The following CAMTA1 variants were observed in gnomAD, a reference collection of about 807,000 sequenced individuals.
CAMTA1 encodes the protein calmodulin-binding transcription activator 1.
A neutral mutation model predicts 170.9 loss-of-function variants in CAMTA1; 27 were observed. That is an observed-to-expected ratio of 0.16 (90% CI 0.12 to 0.22). CAMTA1 has a LOEUF of 0.22. Ranked by LOEUF, CAMTA1 falls within the 10% of genes least tolerant of loss-of-function variation. CAMTA1 has a pLI of 1.00. For synonymous variants in CAMTA1, 833 were observed against 891.5 expected, an observed-to-expected ratio of 0.93 and a Z score of 1.17; for missense variants, 1,619 against 2,217.2, an observed-to-expected ratio of 0.73 and a Z score of 5.42.
At chr1:7,329,688 G>A (rs941121066) in intron 5 of CAMTA1, among the ~76,000 whole-genome samples, 2 of 152,074 alleles carry the variant, frequency 1.3e-5, no homozygotes, top group African/African-American at 4.8e-5. Context: ...TTGAGATGAG[G>A]GAGGTAGATT....
intron 5 of CAMTA1, among the ~76,000 whole-genome samples, chr1:7,280,580 A>T (rs1241260517): frequency 6.6e-6 from 1 of 152,220 alleles, no homozygotes; most frequent in Non-Finnish European, 1.5e-5. Context: ...GCAGCATTAT[A>T]ATTGCCATGT....
chr1:7,430,231 T>G (rs1408171370), intron 5 of CAMTA1, among the ~76,000 whole-genome samples: 1 of 145,824 alleles, frequency 6.9e-6, no homozygotes, highest in Non-Finnish European at 1.5e-5. Flanking sequence ...GTGGTGATGA[T>G]GATGATGGTG....
chr1:6,828,228 T>C (rs1456468688), intron 3 of CAMTA1, among the ~76,000 whole-genome samples: 1 of 151,908 alleles, frequency 6.6e-6, no homozygotes, highest in Non-Finnish European at 1.5e-5. Context: ...TATTTGTGAT[T>C]GTTTGAAAAA....
chr1:7,574,570 C>G (rs2095167489), intron 6 of CAMTA1, among the ~76,000 whole-genome samples: 1 of 152,200 alleles, frequency 6.6e-6, no homozygotes, highest in African/African-American at 2.4e-5. Context: ...CAATATGCCT[C>G]TATTTTTAAC....
chr1:7,214,042 T>C (rs143053637), intron 4 of CAMTA1, among the ~76,000 whole-genome samples: 3,695 of 152,344 alleles, frequency 0.024, 151 homozygotes, highest in African/African-American at 0.084. Context: ...AAGTCTTTGC[T>C]ATTGTGAATA....
At chr1:6,931,258 G>A (rs76916842) in intron 3 of CAMTA1, among the ~76,000 whole-genome samples, 2,755 of 152,234 alleles carry the variant, frequency 0.018, 68 homozygotes, top group African/African-American at 0.062. Flanking sequence ...GCTTATTTGG[G>A]TATTTTTATT....
At chr1:7,026,510 A>G (rs1225315593) in intron 3 of CAMTA1, among the ~76,000 whole-genome samples, 1 of 152,154 alleles carries the variant, frequency 6.6e-6, no homozygotes, top group Non-Finnish European at 1.5e-5. Context: ...TAAGACTATA[A>G]GATTAGTTTC....
intron 3 of CAMTA1, among the ~76,000 whole-genome samples, chr1:6,829,279 T>C (rs1314999398): frequency 2.0e-5 from 3 of 152,210 alleles, no homozygotes; most frequent in African/African-American, 7.2e-5. Context: ...TTGGTGAAGC[T>C]GAAAGTCACT....
Position 6,907,946 on chromosome 1 carries a change from G to A in CAMTA1, c.234+82736G>A, listed in dbSNP as rs1055787427. Among the ~76,000 whole-genome samples the A allele has an allele frequency of 4.6e-5, 7 of 152,148 alleles. No homozygotes were observed. The East Asian group carries it at 7.7e-4, about 17-fold the overall frequency. On this transcript the variant is annotated intron_variant, in intron 3 of 22. Coordinates refer to ENST00000303635, the MANE Select transcript of CAMTA1 (RefSeq NM_015215.4). Reference sequence around the variant, plus strand: ...CCAGAGGCCTCCCAGCCCTATTGCCGTGGTGGTCTGCCTTCCGGCTCCCTC... The same window carrying A: ...CCAGAGGCCTCCCAGCCCTATTGCCATGGTGGTCTGCCTTCCGGCTCCCTC...
intron 3 of CAMTA1, among the ~76,000 whole-genome samples, chr1:6,948,241 A>G (rs1265029403): frequency 6.6e-6 from 1 of 152,148 alleles, no homozygotes; most frequent in East Asian, 1.9e-4. Context: ...GCTTGCTGCA[A>G]TGCCTTTCCC....
At chr1:7,373,475 C>T (rs1285416949) in intron 5 of CAMTA1, among the ~76,000 whole-genome samples, 1 of 152,184 alleles carries the variant, frequency 6.6e-6, no homozygotes, top group African/African-American at 2.4e-5. Flanking sequence ...CACCGCCTCT[C>T]CCCTACTCGG....
chr1:7,179,305 A>G (rs1651610212), intron 4 of CAMTA1, among the ~76,000 whole-genome samples: 1 of 152,258 alleles, frequency 6.6e-6, no homozygotes, highest in Non-Finnish European at 1.5e-5. Flanking sequence ...AATGCAGAGA[A>G]AACCACTAAT....
rs1381434887 is a variant in CAMTA1 at position 7,664,382 on chromosome 1, C to T, written c.1835C>T (p.Pro612Leu). The change falls in exon 9 of 23, where the codon CCC becomes CTC. Residue 612 changes from proline to leucine, a missense_variant. This residue lies in a region of CAMTA1 where 731 missense variants were observed against 907.6 expected (regional missense o/e 0.81). Transcript: ENST00000303635. The stretch of plus-strand genomic sequence containing the variant: ...CACAGCCCCCACATCCACCAGACCC[C>T]CTCCCCGAGCTTCTTCCTGCAGGAC... ...TGHSPHIHQT[P>L]SPSFFLQDAS... 1.9e-6 allele frequency: 3 copies of T among 1,613,624 alleles called. No homozygotes were observed. Among genetic ancestry groups the T allele is most frequent in the Non-Finnish European group, 2.5e-6 (3 of 1,179,996 alleles).
At chr1:7,484,513 G>A (rs11120944) in intron 6 of CAMTA1, among the ~76,000 whole-genome samples, 8,843 of 152,274 alleles carry the variant, frequency 0.058, 412 homozygotes, top group South Asian at 0.13. Context: ...ATCGTGGCCG[G>A]GCACGGTGGC....
rs772177091 is a variant in CAMTA1 at position 7,665,480 on chromosome 1, G to A, written c.2652+281G>A. Among the ~76,000 whole-genome samples, 56 of 152,166 alleles carry A rather than the reference G, an allele frequency of 3.7e-4. No homozygotes were observed. Among genetic ancestry groups the A allele is most frequent in the Non-Finnish European group, 7.2e-4 (49 of 68,002 alleles). On this transcript the variant is annotated intron_variant, in intron 9 of 22. Coordinates refer to ENST00000303635, the MANE Select transcript of CAMTA1 (RefSeq NM_015215.4). This position sits in a 1 kb window ranked among gnomAD's most constrained non-coding sequence, Gnocchi z 4.3. ...TGTAATCCCAGAACTTTGGGAGGCCGAGGCAGGAGGATCATCTGAGCCAAG... is the reference window on the plus strand; with the variant it reads ...TGTAATCCCAGAACTTTGGGAGGCCAAGGCAGGAGGATCATCTGAGCCAAG...
chr1:7,244,985 A>G (rs1329811232), intron 4 of CAMTA1, among the ~76,000 whole-genome samples: 1 of 151,934 alleles, frequency 6.6e-6, no homozygotes, highest in East Asian at 1.9e-4. Context: ...CCTAACCAAG[A>G]CATGTTTTTG....
At chr1:7,303,082 A>G (rs775127536) in intron 5 of CAMTA1, among the ~76,000 whole-genome samples, 5 of 152,218 alleles carry the variant, frequency 3.3e-5, no homozygotes, top group Admixed American at 2.6e-4. Flanking sequence ...TGGGAGCATT[A>G]TATGAGTTAC....
intron 3 of CAMTA1, among the ~76,000 whole-genome samples, chr1:7,006,339 C>A (rs1015996751): frequency 6.6e-6 from 1 of 151,968 alleles, no homozygotes; most frequent in Non-Finnish European, 1.5e-5. Flanking sequence ...TTATAAAGTA[C>A]ATAAAAGCAG....
intron 3 of CAMTA1, among the ~76,000 whole-genome samples, chr1:6,959,340 G>A (rs572020197): frequency 2.6e-5 from 4 of 152,280 alleles, no homozygotes; most frequent in African/African-American, 4.8e-5. Context: ...CATAGGACAC[G>A]GGGACACTGT....
Sources: allele counts gnomAD v4.1 joint callset (sites outside exome capture counted in the v4.1 genomes callset), GRCh38; gene constraint gnomAD v4.1.1; regional missense constraint gnomAD v4.1.1; non-coding constraint Gnocchi (gnomAD v3.1); transcripts MANE v1.5; gene names NCBI Gene and HGNC (gene_info 2026-07-23, HGNC 2026-07-21).